The following PDE1C variants were observed in gnomAD, a reference collection of about 807,000 sequenced individuals.
PDE1C encodes phosphodiesterase 1C, also known as dual specificity calcium/calmodulin-dependent 3',5'-cyclic nucleotide phosphodiesterase 1C.
A neutral mutation model predicts 93.1 loss-of-function variants in PDE1C; 62 were observed. The ratio of observed to expected loss-of-function variants is 0.67; its 90% confidence interval spans 0.54 to 0.82. PDE1C has a LOEUF of 0.82. PDE1C is among the 40% of genes least tolerant of loss of function. PDE1C has a pLI of 0.00. For missense variants in PDE1C, 742 were observed against 884.6 expected (o/e 0.84, Z 2.04); for synonymous variants, 325 against 310.1 (o/e 1.05, Z -0.50).
chr7:32,005,679 G>T (rs1266134617), intron 2 of PDE1C, among the ~76,000 whole-genome samples: 1 of 151,042 alleles, frequency 6.6e-6, no homozygotes, highest in Admixed American at 6.6e-5. Flanking sequence ...TAAAAGAAGG[G>T]GTTCCTCCAA....
At chr7:32,380,228 C>T (rs1421273967) in intron 1 of PDE1C, among the ~76,000 whole-genome samples, 1 of 151,704 alleles carries the variant, frequency 6.6e-6, no homozygotes, top group Admixed American at 6.6e-5. Flanking sequence ...CTCTCTCTCT[C>T]TCTCTTTTTT....
intron 9 of PDE1C, among the ~76,000 whole-genome samples, chr7:31,845,387 C>T (rs1410859856): frequency 1.3e-5 from 2 of 152,024 alleles, no homozygotes; most frequent in Non-Finnish European, 2.9e-5. Flanking sequence ...TGTTATATTG[C>T]TCTGAAGATT....
At chr7:31,984,982 G>A (rs575576519) in intron 2 of PDE1C, among the ~76,000 whole-genome samples, 3 of 152,232 alleles carry the variant, frequency 2.0e-5, no homozygotes, top group South Asian at 4.1e-4. Context: ...CCATGCCTTA[G>A]CTACTCTGAA....
At chr7:31,890,541 T>C (rs1007749056) in intron 2 of PDE1C, among the ~76,000 whole-genome samples, 3 of 152,168 alleles carry the variant, frequency 2.0e-5, no homozygotes, top group Admixed American at 6.5e-5. Context: ...CTGAATTTAG[T>C]TCCTCATTCA....
At chr7:31,918,051 C>T (rs1046123186) in intron 2 of PDE1C, among the ~76,000 whole-genome samples, 11 of 151,988 alleles carry the variant, frequency 7.2e-5, no homozygotes, top group African/African-American at 1.9e-4. Flanking sequence ...TACAAGAGGT[C>T]GGGGTGATTA....
At chr7:31,947,213 T>C (rs1806737284) in intron 2 of PDE1C, among the ~76,000 whole-genome samples, 1 of 152,114 alleles carries the variant, frequency 6.6e-6, no homozygotes, top group Non-Finnish European at 1.5e-5. Context: ...ATTCTCCCAA[T>C]CAAAGAATGG....
At chr7:32,039,164 ACT>A (rs1332504785) in intron 2 of PDE1C, among the ~76,000 whole-genome samples, 1 of 152,132 alleles carries the variant, frequency 6.6e-6, no homozygotes, top group Non-Finnish European at 1.5e-5. Flanking sequence ...GCAAACAGGC[ACT>A]GTTTGCATTA....
chr7:31,637,619 G>A, the PDE1C span, among the ~76,000 whole-genome samples: 3 of 152,102 alleles, frequency 2.0e-5, no homozygotes, highest in Admixed American at 6.5e-5. Flanking sequence ...TGAGTTCATT[G>A]TAGATTCTGG....
chr7:31,911,532 G>A (rs1451671308), intron 2 of PDE1C, among the ~76,000 whole-genome samples: 1 of 152,142 alleles, frequency 6.6e-6, no homozygotes. Flanking sequence ...AAAGAAGGTA[G>A]CACCTGTTAC....
chr7:31,908,109 ACATT>A lies in PDE1C; in HGVS notation c.129-27253_129-27250del, dbSNP rs1800812979. ...TCAGTAGGAAAGCTTGACAAAAGTG[ACATT>A]CAGTCATTAGTAATATTGCTAAAAA... On this transcript the variant is annotated intron_variant, in intron 2 of 17. Coordinates refer to ENST00000396191, the MANE Select transcript of PDE1C (RefSeq NM_001191057.4). Among the ~76,000 whole-genome samples the A allele has an allele frequency of 2.6e-5, 4 of 152,330 alleles. No homozygotes were observed. In the South Asian group the frequency reaches 8.3e-4, roughly 32 times the overall value.
chr7:31,631,312 CATA>C, the PDE1C span, among the ~76,000 whole-genome samples: 1 of 152,066 alleles, frequency 6.6e-6, no homozygotes, highest in Non-Finnish European at 1.5e-5. Context: ...ACACACAAAT[CATA>C]ATTTTTGATA....
At chr7:31,954,187 T>C (rs896717917) in intron 2 of PDE1C, among the ~76,000 whole-genome samples, 39 of 152,158 alleles carry the variant, frequency 2.6e-4, no homozygotes, top group African/African-American at 7.2e-4. Flanking sequence ...CCCCTTTGCA[T>C]TGAGGTGAGG....
At chr7:32,184,988 A>G (rs767959358) in intron 2 of PDE1C, among the ~76,000 whole-genome samples, 27 of 151,890 alleles carry the variant, frequency 1.8e-4, no homozygotes, top group Non-Finnish European at 3.5e-4. Flanking sequence ...GCGCATGCCT[A>G]TAATCCCAGC....
chr7:32,214,215 A>ATG (rs1491021555), intron 1 of PDE1C, among the ~76,000 whole-genome samples: 3 of 147,096 alleles, frequency 2.0e-5, no homozygotes, highest in East Asian at 2.1e-4. Flanking sequence ...TGTAAAAAAC[A>ATG]TGTATATATA....
intron 3 of PDE1C, among the ~76,000 whole-genome samples, chr7:32,168,401 T>C (rs12668264): frequency 0.12 from 18,234 of 152,166 alleles, 1,302 homozygotes; most frequent in East Asian, 0.26. Context: ...GCAAATAAGA[T>C]GTTATTTTCA....
At chr7:31,788,569 T>C (rs143250362) in intron 16 of PDE1C, 8 of 152,282 alleles carry the variant, frequency 5.3e-5, no homozygotes, top group African/African-American at 1.9e-4. Context: ...CAGTCCCCAT[T>C]GCTCCTTCCT....
intron 1 of PDE1C, among the ~76,000 whole-genome samples, chr7:32,388,833 G>A (rs1259044206): frequency 2.6e-5 from 4 of 152,092 alleles, no homozygotes; most frequent in Non-Finnish European, 4.4e-5. Flanking sequence ...CAAAAGGGGA[G>A]GGGGAAACCG....
intron 1 of PDE1C, among the ~76,000 whole-genome samples, chr7:32,345,334 T>C (rs1226860887): frequency 6.6e-6 from 1 of 152,198 alleles, no homozygotes; most frequent in Non-Finnish European, 1.5e-5. Flanking sequence ...CCTCATTTTC[T>C]CTTGTGTTTC....
intron 2 of PDE1C, among the ~76,000 whole-genome samples, chr7:32,008,048 G>C (rs1451970920): frequency 6.6e-6 from 1 of 152,100 alleles, no homozygotes; most frequent in African/African-American, 2.4e-5. Context: ...TTTTGGTATT[G>C]TTTTCCACCA....
Sources: gnomAD v4.1 joint callset for allele counts (sites outside exome capture counted in the v4.1 genomes callset) on GRCh38, gnomAD v4.1.1 for gene constraint, MANE v1.5 for transcripts, NCBI Gene and HGNC (gene_info 2026-07-23, HGNC 2026-07-21) for gene names.